SMIM31: variants seen among roughly 807,000 people sequenced by gnomAD.
The protein encoded by SMIM31 is human epithelial cell program regulator.
chr4:164,782,655 T>C (rs1015549910), intron 2 of SMIM31, among the ~76,000 whole-genome samples: 1 of 151,078 alleles, frequency 6.6e-6, no homozygotes, highest in African/African-American at 2.5e-5. Context: ...GATATAAACA[T>C]CATAGGAGAG....
intron 2 of SMIM31, among the ~76,000 whole-genome samples, chr4:164,794,310 T>C (rs1019264522): frequency 6.6e-6 from 1 of 151,856 alleles, no homozygotes; most frequent in African/African-American, 2.4e-5. Context: ...GCCCAGGAGG[T>C]TGAGCCTTCA....
intron 2 of SMIM31, among the ~76,000 whole-genome samples, chr4:164,775,634 T>TTG (rs1369237542): frequency 1.3e-5 from 2 of 152,192 alleles, no homozygotes; most frequent in Admixed American, 6.5e-5. Context: ...GCGCACACGT[T>TTG]TGTGTGTGTG....
rs1410048528 is a variant in SMIM31 at position 164,756,676 on chromosome 4, CT to C, written c.-26+2266del. On this transcript the variant is annotated intron_variant, in intron 1 of 2. Coordinates refer to ENST00000507311, the MANE Select transcript of SMIM31 (RefSeq NM_001352885.1). ...CCTTTTACCTAATCAAGTTCTACCCCTGCCTCCAGATGTAAACAATCTTCCT... is the reference window on the plus strand; with the variant it reads ...CCTTTTACCTAATCAAGTTCTACCCCGCCTCCAGATGTAAACAATCTTCCT... 3.3e-5 allele frequency among the ~76,000 whole-genome samples: 5 copies of C among 151,982 alleles called. No individual in the cohort carries two copies. The East Asian group carries it at 5.8e-4, about 18-fold the overall frequency.
At chr4:164,780,358 T>C (rs530107825) in intron 2 of SMIM31, among the ~76,000 whole-genome samples, 36 of 152,096 alleles carry the variant, frequency 2.4e-4, no homozygotes, top group South Asian at 8.3e-4. Context: ...ACTCGGGAGG[T>C]GGAGGTTGCA....
intron 1 of SMIM31, among the ~76,000 whole-genome samples, chr4:164,759,640 A>G (rs551827795): frequency 6.6e-6 from 1 of 152,244 alleles, no homozygotes; most frequent in South Asian, 2.1e-4. Flanking sequence ...GCAAATCTGT[A>G]TCCACTTCAT....
intron 2 of SMIM31, among the ~76,000 whole-genome samples, chr4:164,784,404 C>T (rs185801771): frequency 6.6e-6 from 1 of 152,090 alleles, no homozygotes; most frequent in East Asian, 1.9e-4. Flanking sequence ...TTATATGTCA[C>T]GTTTTGGATA....
In SMIM31 at chr4:164,802,712, C is replaced by T. The variant is rs998023276; in HGVS notation, c.*1518C>T. Reference sequence around the variant, plus strand: ...ATGTGAGAGACTCCCTTTATCTGTACTTACCCCTTACTGCTCACTTTCAAG... The same window carrying T: ...ATGTGAGAGACTCCCTTTATCTGTATTTACCCCTTACTGCTCACTTTCAAG... On this transcript the variant is annotated 3_prime_UTR_variant, in exon 3 of 3. Transcript: ENST00000507311. 1 of 152,254 alleles carries T rather than the reference C, an allele frequency of 6.6e-6. No individual in the cohort carries two copies. The highest frequency in any genetic ancestry group is 2.4e-5 in the African/African-American group (1 of 41,458). The allele number at this position is 152,254 out of a possible 1,614,324, so 9.4% of individuals were successfully genotyped here.
intron 2 of SMIM31, among the ~76,000 whole-genome samples, chr4:164,791,358 G>T (rs1733097898): frequency 6.6e-6 from 1 of 152,000 alleles, no homozygotes; most frequent in Non-Finnish European, 1.5e-5. Context: ...TTTGAGACAG[G>T]GTCTGGCTCT....
At chr4:164,789,847 T>C (rs1428741615) in intron 2 of SMIM31, among the ~76,000 whole-genome samples, 2 of 152,184 alleles carry the variant, frequency 1.3e-5, no homozygotes, top group Non-Finnish European at 2.9e-5. Flanking sequence ...TCTCTCTGAG[T>C]CCCTGTTCTC....
At position 164,758,801 on chromosome 4, in the gene SMIM31, A is replaced by AT. The variant is rs35632469; in HGVS notation, c.-26+4430dup. 3.9e-4 allele frequency among the ~76,000 whole-genome samples: 24 copies of AT among 60,912 alleles called. 3 individuals carry two copies. The highest frequency in any genetic ancestry group is 5.8e-4 in the Non-Finnish European group (20 of 34,778). The allele number at this position is 60,912 out of a possible 152,430, so 40.0% of individuals were successfully genotyped here. On this transcript the variant is annotated intron_variant, in intron 1 of 2. Transcript: ENST00000507311. ...GGCGCCCGCCACCACGCCCGGCCAA[A>AT]TTTTTTTTTTTTTTTTTTTTTTTTT...
chr4:164,767,728 T>C (rs1732737846), intron 1 of SMIM31, among the ~76,000 whole-genome samples: 1 of 152,200 alleles, frequency 6.6e-6, no homozygotes, highest in African/African-American at 2.4e-5. Context: ...ATTTAGGGCA[T>C]AGTTGTGGAG....
At chr4:164,761,045 T>A (rs532685026) in intron 1 of SMIM31, among the ~76,000 whole-genome samples, 1 of 152,334 alleles carries the variant, frequency 6.6e-6, no homozygotes, top group Non-Finnish European at 1.5e-5. Context: ...CAAAGCCAAT[T>A]GCCCATCTAT....
At chr4:164,792,453 T>C (rs761861504) in intron 2 of SMIM31, among the ~76,000 whole-genome samples, 4 of 152,202 alleles carry the variant, frequency 2.6e-5, no homozygotes, top group Admixed American at 1.3e-4. Flanking sequence ...TCACAGTTTA[T>C]TTAATTAAGG....
intron 2 of SMIM31, among the ~76,000 whole-genome samples, chr4:164,776,452 C>A (rs1732880908): frequency 6.6e-6 from 1 of 152,096 alleles, no homozygotes; most frequent in African/African-American, 2.4e-5. Flanking sequence ...ACCAGTCTTG[C>A]CCTTAAAGTT....
intron 1 of SMIM31, among the ~76,000 whole-genome samples, chr4:164,757,558 A>T (rs1352170688): frequency 6.6e-6 from 1 of 151,888 alleles, no homozygotes; most frequent in Non-Finnish European, 1.5e-5. Flanking sequence ...TAGCTTTTAC[A>T]TTCAGTTCTA....
At chr4:164,786,989 C>T (rs1332027334) in intron 2 of SMIM31, among the ~76,000 whole-genome samples, 1 of 152,114 alleles carries the variant, frequency 6.6e-6, no homozygotes, top group Non-Finnish European at 1.5e-5. Flanking sequence ...CAGGTGGCAC[C>T]AGTAATTCTT....
intron 2 of SMIM31, among the ~76,000 whole-genome samples, chr4:164,796,416 C>T (rs943498688): frequency 3.9e-5 from 6 of 152,134 alleles, no homozygotes; most frequent in Admixed American, 1.3e-4. Context: ...AATGCTGGAG[C>T]GCCTGGGACT....
At chr4:164,784,011 T>C (rs1211316986) in intron 2 of SMIM31, among the ~76,000 whole-genome samples, 1 of 152,220 alleles carries the variant, frequency 6.6e-6, no homozygotes, top group African/African-American at 2.4e-5. Flanking sequence ...ATTCCAGGCA[T>C]TATTTTCCCT....
intron 2 of SMIM31, among the ~76,000 whole-genome samples, chr4:164,774,933 TA>T (rs113680219): frequency 0.018 from 2,782 of 152,326 alleles, 90 homozygotes; most frequent in African/African-American, 0.063. Flanking sequence ...TCAACAGTGT[TA>T]GCCAACATCA....
Sources: allele counts gnomAD v4.1 joint callset (sites outside exome capture counted in the v4.1 genomes callset), GRCh38; gene constraint gnomAD v4.1.1; transcripts MANE v1.5; gene names NCBI Gene and HGNC (gene_info 2026-07-23, HGNC 2026-07-21).